RERG: variants seen among roughly 807,000 people sequenced by gnomAD.
RERG encodes the protein RAS like estrogen regulated growth inhibitor.
RERG carries 25 observed loss-of-function variants against 23.2 expected under a neutral mutation model. The observed-to-expected ratio is 1.08, with a 90% CI of 0.79 to 1.50. The LOEUF is 1.50. Among genes scored for constraint, RERG ranks in the 40% most tolerant of loss-of-function variants. The pLI is 0.00. For missense variants in RERG, 253 were observed against 250.1 expected, an observed-to-expected ratio of 1.01 and a Z score of -0.08; for synonymous variants, 81 against 89.1, an observed-to-expected ratio of 0.91 and a Z score of 0.51.
chr12:15,162,248 A>C (rs967037898), intron 2 of RERG, among the ~76,000 whole-genome samples: 4 of 152,220 alleles, frequency 2.6e-5, no homozygotes, highest in African/African-American at 9.6e-5. Context: ...CACTGAGTGA[A>C]ACAAGGTCCA....
intron 2 of RERG, among the ~76,000 whole-genome samples, chr12:15,148,627 A>G (rs1478221971): frequency 1.3e-5 from 2 of 152,188 alleles, no homozygotes; most frequent in African/African-American, 4.8e-5. Flanking sequence ...AGCCGCTGAT[A>G]CCAAGCAAGT....
At chr12:15,160,902 C>T (rs554348129) in intron 2 of RERG, among the ~76,000 whole-genome samples, 5 of 151,988 alleles carry the variant, frequency 3.3e-5, no homozygotes, top group Admixed American at 2.0e-4. Flanking sequence ...TTCGGGAGGC[C>T]GAGGCAGGCA....
intron 2 of RERG, among the ~76,000 whole-genome samples, chr12:15,158,445 CT>C: frequency 6.6e-6 from 1 of 152,126 alleles, no homozygotes; most frequent in Non-Finnish European, 1.5e-5. Flanking sequence ...CCACACCTGG[CT>C]AATTTTTGCA....
chr12:15,167,175 G>C (rs1363464543), intron 2 of RERG, among the ~76,000 whole-genome samples: 1 of 152,150 alleles, frequency 6.6e-6, no homozygotes, highest in Non-Finnish European at 1.5e-5. Context: ...CTGCCTGGAG[G>C]CCTGAGCAAA....
intron 2 of RERG, among the ~76,000 whole-genome samples, chr12:15,178,662 C>A (rs1864884592): frequency 6.6e-6 from 1 of 152,094 alleles, no homozygotes; most frequent in Non-Finnish European, 1.5e-5. Flanking sequence ...AACCTGTTGG[C>A]AGGACCAAAT....
intron 2 of RERG, among the ~76,000 whole-genome samples, chr12:15,133,041 CTTTTT>C (rs762390855): frequency 4.5e-4 from 47 of 103,386 alleles, no homozygotes; most frequent in Middle Eastern, 0.011. Flanking sequence ...AGTGTGGTAA[CTTTTT>C]TTTTTTTTTT....
At chr12:15,139,804 T>C (rs1864205076) in intron 2 of RERG, among the ~76,000 whole-genome samples, 1 of 152,164 alleles carries the variant, frequency 6.6e-6, no homozygotes, top group Non-Finnish European at 1.5e-5. Flanking sequence ...GTATCTTTAT[T>C]TCCTTTTCCT....
chr12:15,168,847 G>C (rs1348853704), intron 2 of RERG, among the ~76,000 whole-genome samples: 1 of 152,186 alleles, frequency 6.6e-6, no homozygotes, highest in African/African-American at 2.4e-5. Context: ...TCGCAGATGA[G>C]GAAACAAAGA....
chr12:15,110,478 T>C (rs748389182), intron 4 of RERG, among the ~76,000 whole-genome samples: 7,368 of 124,988 alleles, frequency 0.059, 401 homozygotes, highest in Non-Finnish European at 0.086. Context: ...TTTTTTTTTT[T>C]TTTTTTTTTT....
At chr12:15,161,672 G>T (rs2136114124) in intron 2 of RERG, among the ~76,000 whole-genome samples, 1 of 152,196 alleles carries the variant, frequency 6.6e-6, no homozygotes, top group South Asian at 2.1e-4. Flanking sequence ...TAGGAGCCTG[G>T]ACTTGAACCA....
At chr12:15,138,103 T>C in intron 2 of RERG, 1 of 255,466 alleles carries the variant, frequency 3.9e-6, no homozygotes, top group Non-Finnish European at 7.9e-6. Flanking sequence ...CTTTTCTTGC[T>C]TGCATAATTT....
At chr12:15,210,489 G>A (rs1216602670) in intron 2 of RERG, among the ~76,000 whole-genome samples, 3 of 151,996 alleles carry the variant, frequency 2.0e-5, no homozygotes, top group Non-Finnish European at 4.4e-5. Context: ...TTTTTCTTAA[G>A]AGAAAAGCCT....
chr12:15,118,380 T>TA (rs1313592809), intron 3 of RERG, among the ~76,000 whole-genome samples: 19 of 151,480 alleles, frequency 1.3e-4, no homozygotes, highest in African/African-American at 2.7e-4. Flanking sequence ...GTTCCAGGTT[T>TA]AAAAAAAAAC....
chr12:15,174,879 T>C (rs1864826275), intron 2 of RERG, among the ~76,000 whole-genome samples: 1 of 152,150 alleles, frequency 6.6e-6, no homozygotes, highest in Non-Finnish European at 1.5e-5. Context: ...CCTTGATTTA[T>C]TTTCATGTTT....
rs1489677598 is a variant in RERG at position 15,123,102 on chromosome 12, A to G, written c.62-1983T>C. On this transcript the variant is annotated intron_variant, in intron 2 of 4. Coordinates refer to ENST00000256953, the MANE Select transcript of RERG (RefSeq NM_032918.3). ...GTGAGCCACCGCGCCCGGCCAGACT[A>G]TGTAGTTTTAACACTAAAGGCTGCA... 2.0e-5 allele frequency among the ~76,000 whole-genome samples: 3 copies of G among 152,226 alleles called. No individual in the cohort carries two copies. In the East Asian group the frequency reaches 5.8e-4, roughly 29 times the overall value.
intron 2 of RERG, among the ~76,000 whole-genome samples, chr12:15,135,231 C>A (rs1184826853): frequency 2.0e-5 from 3 of 152,120 alleles, no homozygotes; most frequent in African/African-American, 7.2e-5. Context: ...TCCACTTGTT[C>A]ATTGTTGATA....
At chr12:15,141,949 C>G (rs1237557285) in intron 2 of RERG, among the ~76,000 whole-genome samples, 1 of 152,164 alleles carries the variant, frequency 6.6e-6, no homozygotes, top group Non-Finnish European at 1.5e-5. Flanking sequence ...AGGAATTTAT[C>G]TTACCATCAT....
intron 2 of RERG, among the ~76,000 whole-genome samples, chr12:15,150,391 T>C (rs368926533): frequency 7.2e-4 from 110 of 152,314 alleles, no homozygotes; most frequent in African/African-American, 2.4e-3. Context: ...ACATTGTAAC[T>C]TGCCGTGTGA....
At chr12:15,211,298 C>T (rs890937678) in intron 2 of RERG, among the ~76,000 whole-genome samples, 3 of 151,090 alleles carry the variant, frequency 2.0e-5, no homozygotes, top group African/African-American at 7.3e-5. Flanking sequence ...CACACACACA[C>T]ACACACACAC....
Sources: gnomAD v4.1 joint callset for allele counts (sites outside exome capture counted in the v4.1 genomes callset) on GRCh38, gnomAD v4.1.1 for gene constraint, MANE v1.5 for transcripts, NCBI Gene and HGNC (gene_info 2026-07-23, HGNC 2026-07-21) for gene names.